The following PRKAR2A variants were observed in gnomAD, a reference collection of about 807,000 sequenced individuals.
PRKAR2A encodes the protein protein kinase cAMP-dependent type II regulatory subunit alpha.
Under a neutral mutation model 51.9 loss-of-function variants are expected in PRKAR2A, and 29 were observed. The ratio of observed to expected loss-of-function variants is 0.56; its 90% CI spans 0.42 to 0.76. The LOEUF (loss-of-function observed/expected upper bound fraction) is 0.76, where lower values mean the gene tolerates loss of function less well. Ranked by LOEUF, PRKAR2A falls within the 30% of genes least tolerant of loss-of-function variation. The pLI is 0.00. For synonymous variants in PRKAR2A, 178 were observed against 186.2 expected (o/e 0.96, Z 0.36); for missense variants, 445 against 512.1 (o/e 0.87, Z 1.26).
intron 5 of PRKAR2A, among the ~76,000 whole-genome samples, chr3:48,778,161 T>C (rs1337600509): frequency 6.6e-6 from 1 of 152,150 alleles, no homozygotes; most frequent in Admixed American, 6.6e-5. Context: ...ACGACAATCT[T>C]TCTTTTTTGT....
chr3:48,805,241 G>T (rs1306443539), intron 2 of PRKAR2A, among the ~76,000 whole-genome samples: 5 of 152,106 alleles, frequency 3.3e-5, no homozygotes, highest in Non-Finnish European at 7.4e-5. Context: ...AAGCTTTCAG[G>T]GAGAAGGGAG....
At chr3:48,802,445 G>A (rs1250846208) in intron 2 of PRKAR2A, among the ~76,000 whole-genome samples, 1 of 151,648 alleles carries the variant, frequency 6.6e-6, no homozygotes, top group Admixed American at 6.6e-5. Context: ...TTACCACTGA[G>A]TTTAAAAGGA....
chr3:48,782,193 G>A (rs2082208185), intron 5 of PRKAR2A, among the ~76,000 whole-genome samples: 1 of 152,076 alleles, frequency 6.6e-6, no homozygotes. Flanking sequence ...AAACTCAAGA[G>A]GTTAGGACAC....
chr3:48,756,365 A>G lies in PRKAR2A; in HGVS notation c.939+14T>C. On this transcript the variant is annotated intron_variant, in intron 9 of 10. Transcript: ENST00000265563. ...TTTGTGTGTACACCATCACATATAA[A>G]CTGATAAACTCACCCTGCTTCTAAT... 1 of 1,605,912 alleles carries G rather than the reference A, an allele frequency of 6.2e-7. No homozygotes were observed. Among genetic ancestry groups the G allele is most frequent in the Non-Finnish European group, 8.5e-7 (1 of 1,172,712 alleles).
intron 3 of PRKAR2A, 56 bp downstream of exon 3, chr3:48,793,941 G>C (rs995377918): frequency 1.5e-6 from 2 of 1,323,136 alleles, no homozygotes; most frequent in African/African-American, 2.9e-5. Context: ...ATGTAGAGAA[G>C]GGGAGTTAAT....
chr3:48,816,401 G>T (rs767220560), intron 1 of PRKAR2A, among the ~76,000 whole-genome samples: 9 of 152,072 alleles, frequency 5.9e-5, no homozygotes, highest in Non-Finnish European at 1.0e-4. Context: ...TTTACTAACT[G>T]GGGCCGAGGC....
intron 1 of PRKAR2A, among the ~76,000 whole-genome samples, chr3:48,808,043 TC>T (rs2082702526): frequency 6.0e-5 from 9 of 149,528 alleles, no homozygotes; most frequent in South Asian, 2.1e-4. Context: ...TTTTTTTCTT[TC>T]TTTCTTTTTT....
At chr3:48,754,778 T>C (rs190744753) in intron 9 of PRKAR2A, among the ~76,000 whole-genome samples, 2 of 150,140 alleles carry the variant, frequency 1.3e-5, no homozygotes, top group African/African-American at 4.9e-5. Flanking sequence ...TAGCTTAAAA[T>C]AAAAAAGAAT....
chr3:48,793,222 A>G (rs2082421471), intron 3 of PRKAR2A, among the ~76,000 whole-genome samples: 1 of 152,142 alleles, frequency 6.6e-6, no homozygotes, highest in African/African-American at 2.4e-5. Context: ...TTCAATGGCT[A>G]CAGATTCTCT....
chr3:48,752,255 C>G lies in PRKAR2A; in HGVS notation c.1002G>C (p.Gln334His), dbSNP rs777586837. ...EVEIARCHKG[Q>H]YFGELALVTN... Reference sequence around the variant, plus strand: ...TGACCAGGGCAAGCTCTCCAAAGTACTGCCCCTTATGGCAGCGGGCAATCT... The same window carrying G: ...TGACCAGGGCAAGCTCTCCAAAGTAGTGCCCCTTATGGCAGCGGGCAATCT... The change falls in exon 10 of 11, where the codon CAG (glutamine) becomes CAC (histidine). Residue 334 changes from glutamine to histidine, a missense_variant. Gln to His is a conservative substitution (Grantham distance 24, BLOSUM62 0). Coordinates refer to ENST00000265563, the MANE Select transcript of PRKAR2A (RefSeq NM_004157.4). 5.0e-6 allele frequency: 8 copies of G among 1,614,086 alleles called. No individual in the cohort carries two copies. In the South Asian group the frequency reaches 7.7e-5, roughly 16 times the overall value.
intron 1 of PRKAR2A, among the ~76,000 whole-genome samples, chr3:48,812,614 C>G (rs1209543112): frequency 6.6e-6 from 1 of 151,852 alleles, no homozygotes; most frequent in East Asian, 1.9e-4. Context: ...TCCTGAGTAG[C>G]TGGGACTACA....
At chr3:48,756,561 T>C in intron 8 of PRKAR2A, 117 bp from the exon 9 acceptor site, 1 of 754,404 alleles carries the variant, frequency 1.3e-6, no homozygotes, top group South Asian at 1.7e-5. Context: ...ACTCTGCAAA[T>C]GAATCAATAG....
At chr3:48,807,929 A>G (rs1161661888) in intron 1 of PRKAR2A, among the ~76,000 whole-genome samples, 1 of 152,078 alleles carries the variant, frequency 6.6e-6, no homozygotes, top group African/African-American at 2.4e-5. Flanking sequence ...TGGCAATTTT[A>G]TTTCTGCCCA....
intron 5 of PRKAR2A, among the ~76,000 whole-genome samples, chr3:48,775,882 T>C (rs369390423): frequency 1.3e-5 from 2 of 151,678 alleles, no homozygotes; most frequent in East Asian, 3.9e-4. Context: ...CCGAGGTGAG[T>C]GGATCACCTG....
At chr3:48,787,153 ATTATTTATTTATTTATTTAT>A (rs56116620) in intron 4 of PRKAR2A, among the ~76,000 whole-genome samples, 2 of 149,686 alleles carry the variant, frequency 1.3e-5, no homozygotes, top group Non-Finnish European at 3.0e-5. Flanking sequence ...GAGAAAAGTA[ATTATTTATTTATTTATTTAT>A]TTATTTATTT....
At chr3:48,833,753 C>T (rs1351171226) in intron 1 of PRKAR2A, among the ~76,000 whole-genome samples, 2 of 141,086 alleles carry the variant, frequency 1.4e-5, no homozygotes, top group African/African-American at 5.2e-5. Flanking sequence ...TTGTTTCTTC[C>T]GGCCAGGCGC....
At chr3:48,800,286 G>A (rs1339247424) in intron 2 of PRKAR2A, among the ~76,000 whole-genome samples, 4 of 151,382 alleles carry the variant, frequency 2.6e-5, no homozygotes, top group African/African-American at 7.3e-5. Context: ...AGGCCGAGGC[G>A]GGCAGATGAC....
intron 1 of PRKAR2A, among the ~76,000 whole-genome samples, chr3:48,835,614 T>A (rs930467811): frequency 8.4e-5 from 10 of 118,694 alleles, no homozygotes; most frequent in African/African-American, 3.4e-4. Flanking sequence ...CACTCCAGCC[T>A]GGGGGACAGA....
intron 2 of PRKAR2A, among the ~76,000 whole-genome samples, chr3:48,799,368 T>C (rs922464963): frequency 2.6e-5 from 4 of 152,218 alleles, no homozygotes; most frequent in African/African-American, 9.6e-5. Context: ...AGATTAGGGT[T>C]CTACCCTATG....
Sources: gnomAD v4.1 joint callset for allele counts (sites outside exome capture counted in the v4.1 genomes callset) on GRCh38, gnomAD v4.1.1 for gene constraint, MANE v1.5 for transcripts, NCBI Gene and HGNC (gene_info 2026-07-23, HGNC 2026-07-21) for gene names.